GDAP1L1: variants seen among roughly 807,000 people sequenced by gnomAD.
The protein encoded by GDAP1L1 is ganglioside induced differentiation associated protein 1 like 1, also known as ganglioside-induced differentiation-associated protein 1-like 1.
A neutral mutation model predicts 37.1 loss-of-function variants in GDAP1L1; 21 were observed. The ratio of observed to expected loss-of-function variants is 0.57; its 90% CI spans 0.40 to 0.81. The LOEUF (loss-of-function observed/expected upper bound fraction) is 0.81. Among genes scored for constraint, GDAP1L1 ranks in the 40% least tolerant of loss-of-function variants. The pLI is 0.00. For missense variants in GDAP1L1, 362 were observed against 491.6 expected (o/e 0.74, Z 2.49); for synonymous variants, 193 against 209.1 (o/e 0.92, Z 0.67).
At chr20:44,248,244 C>T (rs1191617071) in intron 1 of GDAP1L1, among the ~76,000 whole-genome samples, 1 of 152,242 alleles carries the variant, frequency 6.6e-6, no homozygotes, top group South Asian at 2.1e-4. Flanking sequence ...AGGGTTCCCG[C>T]TTCCTGGGGG....
chr20:44,258,220 A>G (rs1468810803), intron 2 of GDAP1L1: 3 of 719,372 alleles, frequency 4.2e-6, no homozygotes, highest in Non-Finnish European at 7.8e-6. Flanking sequence ...TGGAGCTGAG[A>G]GGAGCTAACC....
intron 2 of GDAP1L1, 57 bp downstream of exon 2, chr20:44,257,402 C>T: frequency 2.6e-6 from 4 of 1,511,868 alleles, no homozygotes; most frequent in Non-Finnish European, 3.6e-6. Context: ...TCAGGGGTCC[C>T]CACAGGCTCA....
intron 1 of GDAP1L1, among the ~76,000 whole-genome samples, chr20:44,251,262 C>T (rs1343907615): frequency 6.6e-6 from 1 of 152,208 alleles, no homozygotes; most frequent in African/African-American, 2.4e-5. Context: ...GTTGTTACTG[C>T]TGTTATTTCC....
At chr20:44,278,888 T>C in intron 5 of GDAP1L1, 69 bp from the exon 6 acceptor site, 1 of 974,552 alleles carries the variant, frequency 1.0e-6, no homozygotes, top group Non-Finnish European at 1.6e-6. Context: ...CCAGTGGAGC[T>C]CATGGAGAGA....
At chr20:44,260,345 A>G (rs1038853647) in intron 3 of GDAP1L1, among the ~76,000 whole-genome samples, 13 of 151,754 alleles carry the variant, frequency 8.6e-5, no homozygotes, top group Admixed American at 5.9e-4. Flanking sequence ...GGTTAAATGG[A>G]CACACAGGTG....
intron 3 of GDAP1L1, among the ~76,000 whole-genome samples, chr20:44,261,723 G>A (rs2073677254): frequency 1.3e-5 from 2 of 152,172 alleles, no homozygotes; most frequent in South Asian, 4.1e-4. Context: ...AGTTGTGAAT[G>A]GCAGCTCTGA....
Position 44,279,039 on chromosome 20 carries a change from G to T in GDAP1L1, c.843G>T (p.Lys281Asn). Residue 281 changes from lysine to asparagine, a missense_variant, in exon 6 of 6, where the codon AAG (lysine) becomes AAT (asparagine). Physicochemically the swap from Lys to Asn is moderately conservative, Grantham distance 94. Transcript: ENST00000342560. ...TGGGAGCCACCCTGCACCGCCTCAAGTTCCTGGGACTGTCCAAGAAATACT... is the reference window on the plus strand; with the variant it reads ...TGGGAGCCACCCTGCACCGCCTCAATTTCCTGGGACTGTCCAAGAAATACT... ...VLLGATLHRL[K>N]FLGLSKKYWE... 1 of 1,614,148 alleles carries T rather than the reference G, an allele frequency of 6.2e-7. No homozygotes were observed. Among genetic ancestry groups the T allele is most frequent in the Non-Finnish European group, 8.5e-7 (1 of 1,180,006 alleles).
intron 3 of GDAP1L1, among the ~76,000 whole-genome samples, chr20:44,259,492 A>ATTTTTTTTT (rs11481104): frequency 7.5e-6 from 1 of 132,516 alleles, no homozygotes. Context: ...AAGACTCAGA[A>ATTTTTTTTT]TTTTTTTTTT....
At chr20:44,250,812 A>G (rs2073425890) in intron 1 of GDAP1L1, among the ~76,000 whole-genome samples, 1 of 152,164 alleles carries the variant, frequency 6.6e-6, no homozygotes, top group Non-Finnish European at 1.5e-5. Flanking sequence ...TGTGGGGAAG[A>G]ATGAGGCCAG....
chr20:44,256,669 G>A (rs1379230547), intron 1 of GDAP1L1, among the ~76,000 whole-genome samples: 4 of 151,548 alleles, frequency 2.6e-5, no homozygotes, highest in African/African-American at 9.7e-5. Flanking sequence ...TAAAAAAAAG[G>A]GGAAAAAAAA....
chr20:44,248,861 T>G (rs1220203601), intron 1 of GDAP1L1, among the ~76,000 whole-genome samples: 4 of 152,186 alleles, frequency 2.6e-5, no homozygotes, highest in African/African-American at 7.2e-5. Context: ...ACTGTGGAGC[T>G]GTGGACAGGT....
Position 44,279,153 on chromosome 20 carries a change from C to T in GDAP1L1, c.957C>T (p.His319=), listed in dbSNP as rs151025112. 7.7e-5 allele frequency: 124 copies of T among 1,614,124 alleles called. No homozygotes were observed. In the African/African-American group the frequency reaches 1.4e-3, roughly 18 times the overall value. The change falls in exon 6 of 6, where the codon CAC becomes CAT. Residue 319 remains histidine (H), a synonymous_variant. Transcript: ENST00000342560. The part of the protein sequence containing the change: ...FAFRKVLGDI[H]TTLLSAVIPN... The stretch of plus-strand genomic sequence containing the variant: ...TCCGGAAAGTCCTGGGTGACATCCA[C>T]ACCACCCTGCTGTCGGCCGTCATCC...
chr20:44,273,019 C>T (rs773771526), intron 5 of GDAP1L1, among the ~76,000 whole-genome samples: 7 of 152,144 alleles, frequency 4.6e-5, no homozygotes, highest in Admixed American at 1.3e-4. Context: ...CTGAAAGCGG[C>T]CTGAGTTGAC....
intron 1 of GDAP1L1, among the ~76,000 whole-genome samples, chr20:44,254,502 T>G (rs1363089783): frequency 6.6e-6 from 1 of 152,238 alleles, no homozygotes; most frequent in Non-Finnish European, 1.5e-5. Flanking sequence ...TCCTGCCTCC[T>G]GCAAGGTTGT....
chr20:44,271,540 G>T (rs1051791142), intron 5 of GDAP1L1, among the ~76,000 whole-genome samples: 2 of 152,222 alleles, frequency 1.3e-5, no homozygotes, highest in Non-Finnish European at 1.5e-5. Context: ...GCAAAAGTCA[G>T]ATTGGAATGG....
chr20:44,262,852 G>A (rs762942059), intron 3 of GDAP1L1, among the ~76,000 whole-genome samples: 2 of 151,876 alleles, frequency 1.3e-5, no homozygotes, highest in Non-Finnish European at 2.9e-5. Flanking sequence ...GAGTAGCTGG[G>A]ACTATGGTGT....
At chr20:44,264,797 T>C in intron 5 of GDAP1L1, 1 of 1,147,732 alleles carries the variant, frequency 8.7e-7, no homozygotes, top group Non-Finnish European at 1.1e-6. Flanking sequence ...ATGGGGATAA[T>C]AGTAGGACCT....
rs2062617252 is a variant in GDAP1L1 at position 44,279,301 on chromosome 20, G to A, written c.*1G>A. ...GTACCTCAAGAAAAAATACATCTAG[G>A]GCCAGGCCTGGGGCTTGGTGTCTGA... On this transcript the variant is annotated 3_prime_UTR_variant, in exon 6 of 6. Transcript: ENST00000342560. 1 of 1,587,680 alleles carries A rather than the reference G, an allele frequency of 6.3e-7. No homozygotes were observed. The highest frequency in any genetic ancestry group is 1.1e-5 in the South Asian group (1 of 89,196).
At chr20:44,268,141 A>C (rs970908129) in intron 5 of GDAP1L1, among the ~76,000 whole-genome samples, 1 of 152,222 alleles carries the variant, frequency 6.6e-6, no homozygotes, top group East Asian at 1.9e-4. Context: ...CCAGTGTTGG[A>C]AGGGATTTTA....
Sources: allele counts gnomAD v4.1 joint callset (sites outside exome capture counted in the v4.1 genomes callset), GRCh38; gene constraint gnomAD v4.1.1; transcripts MANE v1.5; gene names NCBI Gene and HGNC (gene_info 2026-07-23, HGNC 2026-07-21).